TLCD3A: variants seen among roughly 807,000 people sequenced by gnomAD.
TLCD3A encodes TLC domain-containing protein 3A.
Under a neutral mutation model 29.9 loss-of-function variants are expected in TLCD3A, and 17 were observed. That is an observed-to-expected ratio of 0.57 (90% CI 0.39 to 0.85). TLCD3A has a LOEUF of 0.85. Among genes scored for constraint, TLCD3A ranks in the 40% least tolerant of loss-of-function variants. TLCD3A has a pLI of 0.00. For synonymous variants in TLCD3A, 143 were observed against 147.7 expected (o/e 0.97, Z 0.23); for missense variants, 332 against 350.8 (o/e 0.95, Z 0.43).
chr17:732,638 C>G lies in TLCD3A; in HGVS notation c.-10C>G. ...GCGGCGCCAGCGAGGCGGCCGGACC[C>G]GCAGCCCCGATGCTGCTGACGCTGG... On this transcript the variant is annotated 5_prime_UTR_variant, in exon 1 of 5. Coordinates refer to ENST00000308278, the MANE Select transcript of TLCD3A (RefSeq NM_024792.3). 2.3e-6 allele frequency: 3 copies of G among 1,290,412 alleles called. No individual in the cohort carries two copies. The highest frequency in any genetic ancestry group is 2.9e-6 in the Non-Finnish European group (3 of 1,018,054). The allele number at this position is 1,290,412 out of a possible 1,614,324, so 79.9% of individuals were successfully genotyped here.
chr17:733,037 G>GGGCCA, intron 1 of TLCD3A, 61 bp from the exon 2 acceptor site: 1 of 1,526,830 alleles, frequency 6.5e-7, no homozygotes. Context: ...GGGCCGGGCC[G>GGGCCA]GGCTCCCTGC....
At position 741,888 on chromosome 17, in the gene TLCD3A, A is replaced by C. The variant is rs946263522; in HGVS notation, c.*318A>C. On this transcript the variant is annotated 3_prime_UTR_variant, in exon 5 of 5. Coordinates refer to ENST00000308278, the MANE Select transcript of TLCD3A (RefSeq NM_024792.3). Reference sequence around the variant, plus strand: ...AAGCATGGGGTGGGATCGGTGGACCAGGGTGGTAAGTGTCTGCACATCTGC... The same window carrying C: ...AAGCATGGGGTGGGATCGGTGGACCCGGGTGGTAAGTGTCTGCACATCTGC... 1 of 400,312 alleles carries C rather than the reference A, an allele frequency of 2.5e-6. No homozygotes were observed. Among genetic ancestry groups the C allele is most frequent in the South Asian group, 2.4e-5 (1 of 42,114 alleles). The allele number at this position is 400,312 out of a possible 1,614,324, so 24.8% of individuals were successfully genotyped here. A position where few individuals can be genotyped will look rare whatever the true frequency, so the allele number is the denominator to read the frequency against.
At position 742,500 on chromosome 17, in the gene TLCD3A, T is replaced by C. The variant is rs1449074709; in HGVS notation, c.*930T>C. On this transcript the variant is annotated 3_prime_UTR_variant, in exon 5 of 5. Coordinates refer to ENST00000308278, the MANE Select transcript of TLCD3A (RefSeq NM_024792.3). ...CTTCTGTCCTCCAAACCATGAAATGTGTCATCTAGACTGCAGAGTACTTGA... is the reference window on the plus strand; with the variant it reads ...CTTCTGTCCTCCAAACCATGAAATGCGTCATCTAGACTGCAGAGTACTTGA... The C allele has an allele frequency of 6.6e-6, 1 of 152,242 alleles. No individual in the cohort carries two copies. Among genetic ancestry groups the C allele is most frequent in the Non-Finnish European group, 1.5e-5 (1 of 68,054 alleles). 9.4% of individuals were successfully genotyped at this position (152,242 alleles called of 1,614,324 possible). A position where few individuals can be genotyped will look rare whatever the true frequency, so the allele number is the denominator to read the frequency against.
intron 2 of TLCD3A, among the ~76,000 whole-genome samples, chr17:737,032 G>C (rs1974165674): frequency 6.7e-6 from 1 of 149,476 alleles, no homozygotes; most frequent in African/African-American, 2.5e-5. Flanking sequence ...GTTTTTTTTA[G>C]ATGGAATCTC....
Position 741,688 on chromosome 17 carries a change from G to C in TLCD3A, c.*118G>C, listed in dbSNP as rs1479387097. 8.0e-7 allele frequency: 1 copy of C among 1,255,456 alleles called. No homozygotes were observed. The highest frequency in any genetic ancestry group is 1.5e-5 in the African/African-American group (1 of 66,400). 77.8% of individuals were successfully genotyped at this position (1,255,456 alleles called of 1,614,324 possible). A position where few individuals can be genotyped will look rare whatever the true frequency, so the allele number is the denominator to read the frequency against. On this transcript the variant is annotated 3_prime_UTR_variant, in exon 5 of 5. Transcript: ENST00000308278. The stretch of plus-strand genomic sequence containing the variant: ...TGGGTATTGATAAGCCGATGGATTT[G>C]AGTTTTTCTAAAGAATATTCATATT...
rs1974187747 is a variant in TLCD3A, at chr17:738,059, C to G, written c.408+12C>G. On this transcript the variant is annotated intron_variant, in intron 3 of 4. Transcript: ENST00000308278. ...TGCCAGTCGCACAGGTATGGCCTTCCAGGACAGCAGACCAGCAGCTGGGTT... is the reference window on the plus strand; with the variant it reads ...TGCCAGTCGCACAGGTATGGCCTTCGAGGACAGCAGACCAGCAGCTGGGTT... The G allele has an allele frequency of 2.6e-6, 4 of 1,555,100 alleles. No individual in the cohort carries two copies. Among genetic ancestry groups the G allele is most frequent in the Non-Finnish European group, 3.5e-6 (4 of 1,131,252 alleles).
In TLCD3A at chr17:737,880, A is replaced by G; in HGVS notation, c.241A>G (p.Ile81Val). 1 of 1,614,098 alleles carries G rather than the reference A, an allele frequency of 6.2e-7. No homozygotes were observed. The highest frequency in any genetic ancestry group is 8.5e-7 in the Non-Finnish European group (1 of 1,180,018). The change falls in exon 3 of 5, where the codon ATT (isoleucine) becomes GTT (valine). Residue 81 changes from isoleucine (I) to valine (V), a missense_variant. Coordinates refer to ENST00000308278, the MANE Select transcript of TLCD3A (RefSeq NM_024792.3). ...WLAREYVWFLIPYMIYDSYAM... is the reference protein window; with the variant it reads ...WLAREYVWFLVPYMIYDSYAM... Reference sequence around the variant, plus strand: ...TGCCCGGGAATATGTGTGGTTTCTGATTCCATACATGATCTATGACTCGTA... The same window carrying G: ...TGCCCGGGAATATGTGTGGTTTCTGGTTCCATACATGATCTATGACTCGTA...
intron 2 of TLCD3A, among the ~76,000 whole-genome samples, chr17:733,634 G>C (rs2144106303): frequency 1.3e-5 from 2 of 152,294 alleles, no homozygotes; most frequent in Admixed American, 1.3e-4. Context: ...AAAGGTGATT[G>C]AGAGGTTCCC....
At chr17:733,027 G>GGGCCC (rs1567768600) in intron 1 of TLCD3A, 71 bp from the exon 2 acceptor site, 6 of 1,412,520 alleles carry the variant, frequency 4.2e-6, no homozygotes, top group South Asian at 1.3e-5. Context: ...TCAGGCCGAA[G>GGGCCC]GGCCGGGCCG....
Position 732,748 on chromosome 17 carries a change from A to G in TLCD3A, c.101A>G (p.Asp34Gly). 1 of 1,454,224 alleles carries G rather than the reference A, an allele frequency of 6.9e-7. No homozygotes were observed. Among genetic ancestry groups the G allele is most frequent in the Non-Finnish European group, 9.0e-7 (1 of 1,105,684 alleles). 90.1% of individuals were successfully genotyped at this position (1,454,224 alleles called of 1,614,324 possible). A position where few individuals can be genotyped will look rare whatever the true frequency, so the allele number is the denominator to read the frequency against. ...TCCCAGCCCGGATGGAGCCGCACCG[A>G]CTGCGTGATGATCAGCACCAGGTAC... ...RRSQPGWSRT[D>G]CVMISTRLVS... Residue 34 changes from aspartate to glycine, a missense_variant, in exon 1 of 5, where the codon GAC becomes GGC. Coordinates refer to ENST00000308278, the MANE Select transcript of TLCD3A (RefSeq NM_024792.3).
At chr17:738,707 G>A (rs1974202475) in intron 3 of TLCD3A, among the ~76,000 whole-genome samples, 1 of 152,118 alleles carries the variant, frequency 6.6e-6, no homozygotes. Flanking sequence ...CAGGAAGCTG[G>A]GAACACAGGC....
At chr17:737,258 C>T (rs556420799) in intron 2 of TLCD3A, among the ~76,000 whole-genome samples, 11 of 150,334 alleles carry the variant, frequency 7.3e-5, no homozygotes, top group South Asian at 2.1e-4. Flanking sequence ...GTGATCCACC[C>T]GCCTCAGCCT....
Position 741,547 on chromosome 17 carries a change from C to T in TLCD3A, c.751C>T (p.Pro251Ser), listed in dbSNP as rs530102840. The T allele has an allele frequency of 2.5e-6, 4 of 1,613,618 alleles. No homozygotes were observed. In the Admixed American group the frequency reaches 5.0e-5, roughly 20 times the overall value. ...GAAGGCAGTCCGGCTCTTTGACACTCCCCAAGCCAAAAAGGATGGCTAAAT... is the reference window on the plus strand; with the variant it reads ...GAAGGCAGTCCGGCTCTTTGACACTTCCCAAGCCAAAAAGGATGGCTAAAT... ...CRKAVRLFDTPQAKKDG is the reference protein window; with the variant it reads ...CRKAVRLFDTSQAKKDG Residue 251 changes from proline to serine, a missense_variant, in exon 5 of 5, where the codon CCC (proline) becomes TCC (serine). Coordinates refer to ENST00000308278, the MANE Select transcript of TLCD3A (RefSeq NM_024792.3).
At chr17:741,194 G>A in intron 4 of TLCD3A, 107 bp from the exon 5 acceptor site, 1 of 1,142,562 alleles carries the variant, frequency 8.8e-7, no homozygotes, top group South Asian at 1.4e-5. Context: ...AGGTCTTGAT[G>A]AGCACCTGCA....
rs202207304 is a variant in TLCD3A, at chr17:737,953, C to G, written c.314C>G (p.Ala105Gly). ...EWCRTRDQNRAPSLTLRNFLS... is the reference protein window; with the variant it reads ...EWCRTRDQNRGPSLTLRNFLS... ...TGCCGAACCAGAGACCAGAACCGTG[C>G]GCCCTCCCTCACTCTTCGAAACTTC... Residue 105 changes from alanine to glycine, a missense_variant, in exon 3 of 5, where the codon GCG (alanine) becomes GGG (glycine). Ala to Gly is a moderately conservative substitution (Grantham distance 60). Coordinates refer to ENST00000308278, the MANE Select transcript of TLCD3A (RefSeq NM_024792.3). The G allele has an allele frequency of 7.2e-5, 116 of 1,614,052 alleles. No homozygotes were observed. The highest frequency in any genetic ancestry group is 9.6e-5 in the Non-Finnish European group (113 of 1,179,998).
intron 1 of TLCD3A, 60 bp downstream of exon 1, chr17:732,829 G>A: frequency 7.2e-7 from 1 of 1,383,896 alleles, no homozygotes. Flanking sequence ...CACCCCACCC[G>A]GCCGCGGGGC....
At position 739,629 on chromosome 17, in the gene TLCD3A, C is replaced by T. The variant is rs563984545; in HGVS notation, c.409-876C>T. 9.2e-5 allele frequency among the ~76,000 whole-genome samples: 14 copies of T among 152,340 alleles called. No individual in the cohort carries two copies. In the South Asian group the frequency reaches 2.5e-3, roughly 27 times the overall value. ...CTGGGATTATAGGCGTGAGCCACCGCGCCCTGCCAGGCATGTGATTTAAAA... is the reference window on the plus strand; with the variant it reads ...CTGGGATTATAGGCGTGAGCCACCGTGCCCTGCCAGGCATGTGATTTAAAA... On this transcript the variant is annotated intron_variant, in intron 3 of 4. Coordinates refer to ENST00000308278, the MANE Select transcript of TLCD3A (RefSeq NM_024792.3).
chr17:739,270 C>G (rs1329144677), intron 3 of TLCD3A, among the ~76,000 whole-genome samples: 1 of 152,030 alleles, frequency 6.6e-6, no homozygotes, highest in Non-Finnish European at 1.5e-5. Context: ...CTCACTGCAA[C>G]CTCTGCCTCC....
intron 1 of TLCD3A, 137 bp from the exon 2 acceptor site, chr17:732,961 A>C (rs1331050576): frequency 7.2e-7 from 1 of 1,389,526 alleles, no homozygotes; most frequent in Non-Finnish European, 9.6e-7. Context: ...GGCGGGCGGG[A>C]ATGGCCGATG....
Sources: allele counts gnomAD v4.1 joint callset (sites outside exome capture counted in the v4.1 genomes callset), GRCh38; gene constraint gnomAD v4.1.1; transcripts MANE v1.5; gene names NCBI Gene and HGNC (gene_info 2026-07-23, HGNC 2026-07-21).